The following IL34 variants were observed in gnomAD, a reference collection of about 807,000 sequenced individuals.
IL34 encodes interleukin 34.
In IL34, 17 loss-of-function variants were observed where a neutral mutation model predicts 25.3. That is an observed-to-expected ratio of 0.67 (90% CI 0.46 to 1.01). The LOEUF is 1.01. Among genes scored for constraint, IL34 ranks in the 50% least tolerant of loss-of-function variants. The pLI is 0.00. For missense variants in IL34, 368 were observed against 312.9 expected (o/e 1.18, Z -1.33); for synonymous variants, 174 against 140.9 (o/e 1.23, Z -1.66).
At chr16:70,638,549 G>A (rs1472944286) in intron 1 of IL34, among the ~76,000 whole-genome samples, 1 of 152,030 alleles carries the variant, frequency 6.6e-6, no homozygotes, top group Non-Finnish European at 1.5e-5. Flanking sequence ...CCTGGTTGGT[G>A]GCTTCTTATC....
chr16:70,596,010 CAA>C (rs201758396), intron 1 of IL34, among the ~76,000 whole-genome samples: 10,720 of 94,832 alleles, frequency 0.11, 903 homozygotes, highest in East Asian at 0.27. Flanking sequence ...GACCCCGTCT[CAA>C]AAAAAAAAAA....
chr16:70,585,466 A>G (rs1411104711), intron 1 of IL34, among the ~76,000 whole-genome samples: 10 of 151,888 alleles, frequency 6.6e-5, no homozygotes, highest in Non-Finnish European at 1.5e-4. Flanking sequence ...GCCGAGGCAG[A>G]TGGATTACGA....
At chr16:70,631,937 T>C (rs1277122847) in intron 1 of IL34, among the ~76,000 whole-genome samples, 1 of 151,194 alleles carries the variant, frequency 6.6e-6, no homozygotes, top group African/African-American at 2.4e-5. Flanking sequence ...AAAAAAAAAA[T>C]TATAATACAA....
chr16:70,588,283 TCAAGACC>T (rs1401700063), intron 1 of IL34, among the ~76,000 whole-genome samples: 1 of 151,686 alleles, frequency 6.6e-6, no homozygotes, highest in Non-Finnish European at 1.5e-5. Context: ...GGTCAGGAGT[TCAAGACC>T]CAAGACCAGC....
chr16:70,618,050 C>T (rs1442300599), intron 1 of IL34, among the ~76,000 whole-genome samples: 1 of 152,098 alleles, frequency 6.6e-6, no homozygotes, highest in African/African-American at 2.4e-5. Flanking sequence ...GGGAGGGGGC[C>T]TGAATAATCC....
At chr16:70,655,550 G>A (rs577144659) in intron 2 of IL34, among the ~76,000 whole-genome samples, 92 of 151,876 alleles carry the variant, frequency 6.1e-4, no homozygotes, top group African/African-American at 2.0e-3. Context: ...ACCATGCCCA[G>A]CTAATTAAAA....
upstream of IL34, among the ~76,000 whole-genome samples, chr16:70,642,253 A>C (rs1235562022): frequency 6.8e-6 from 1 of 147,798 alleles, no homozygotes; most frequent in Admixed American, 6.7e-5. Context: ...AGAGAGAGAG[A>C]GACAAAGACA....
chr16:70,582,772 C>T (rs1313953183), intron 1 of IL34, among the ~76,000 whole-genome samples: 2 of 152,236 alleles, frequency 1.3e-5, no homozygotes, highest in Non-Finnish European at 2.9e-5. Context: ...GAGAGACATG[C>T]ACAAGATGCC....
chr16:70,639,640 C>G (rs543035861), intron 1 of IL34, among the ~76,000 whole-genome samples: 1 of 126,544 alleles, frequency 7.9e-6, no homozygotes, highest in Non-Finnish European at 1.8e-5. Flanking sequence ...ACCCTGTTCC[C>G]ACTGCAAACA....
chr16:70,634,543 G>C (rs2051595203), intron 1 of IL34, among the ~76,000 whole-genome samples: 1 of 152,060 alleles, frequency 6.6e-6, no homozygotes, highest in South Asian at 2.1e-4. Context: ...AGCTGGGTGT[G>C]GTGGCACGTG....
At chr16:70,616,240 T>G (rs2051171456) in intron 1 of IL34, among the ~76,000 whole-genome samples, 1 of 152,186 alleles carries the variant, frequency 6.6e-6, no homozygotes, top group Non-Finnish European at 1.5e-5. Flanking sequence ...TATCTGCATT[T>G]GTGATTTGAG....
At chr16:70,644,496 A>G (rs2051859675), upstream of IL34, among the ~76,000 whole-genome samples, 1 of 152,098 alleles carries the variant, frequency 6.6e-6, no homozygotes, top group Non-Finnish European at 1.5e-5. Flanking sequence ...AATGTTTTGT[A>G]TCTTGATTAT....
chr16:70,611,380 G>T (rs1317082831), intron 1 of IL34, among the ~76,000 whole-genome samples: 1 of 152,108 alleles, frequency 6.6e-6, no homozygotes, highest in Admixed American at 6.6e-5. Context: ...CACCTTGCTG[G>T]AGATACCTGG....
At chr16:70,653,339 C>G (rs1597780318) in intron 1 of IL34, among the ~76,000 whole-genome samples, 1 of 141,894 alleles carries the variant, frequency 7.0e-6, no homozygotes, top group East Asian at 2.1e-4. Context: ...ATAGCAAAAC[C>G]CTGTCTCAAA....
chr16:70,658,253 T>TG (rs1273683413), intron 4 of IL34, among the ~76,000 whole-genome samples: 1 of 152,236 alleles, frequency 6.6e-6, no homozygotes, highest in African/African-American at 2.4e-5. Context: ...GGAACCAGAC[T>TG]GGTGGGGAGG....
At chr16:70,620,653 A>G (rs971084131) in intron 1 of IL34, among the ~76,000 whole-genome samples, 4 of 152,146 alleles carry the variant, frequency 2.6e-5, no homozygotes, top group African/African-American at 4.8e-5. Context: ...CTAGGAAGGG[A>G]CTGATGTGTA....
intron 4 of IL34, chr16:70,657,381 C>A: frequency 2.3e-6 from 1 of 437,248 alleles, no homozygotes; most frequent in Non-Finnish European, 4.1e-6. Context: ...CTGCCTCTCT[C>A]CCTCTGGATC....
intron 1 of IL34, among the ~76,000 whole-genome samples, chr16:70,622,443 C>G (rs369902745): frequency 6.9e-6 from 1 of 145,130 alleles, no homozygotes; most frequent in East Asian, 2.1e-4. Flanking sequence ...TAGATTTCCA[C>G]GATGGAAAGG....
intron 1 of IL34, among the ~76,000 whole-genome samples, chr16:70,648,212 C>A (rs1267052119): frequency 6.6e-6 from 1 of 152,152 alleles, no homozygotes; most frequent in Non-Finnish European, 1.5e-5. Flanking sequence ...ACTGCTGTCA[C>A]CGTCTGTGCA....
Sources: gnomAD v4.1 joint callset for allele counts (sites outside exome capture counted in the v4.1 genomes callset) on GRCh38, gnomAD v4.1.1 for gene constraint, MANE v1.5 for transcripts, NCBI Gene and HGNC (gene_info 2026-07-23, HGNC 2026-07-21) for gene names.